Variants in COL19A1 observed in about 807,000 individuals in gnomAD.
COL19A1 encodes the protein collagen alpha-1(XIX) chain.
COL19A1 carries 159 observed loss-of-function variants against 190.2 expected under a neutral mutation model. That is an observed-to-expected ratio of 0.84 (90% CI 0.73 to 0.95). The LOEUF (loss-of-function observed/expected upper bound fraction) is 0.95. COL19A1 is among the 40% of genes least tolerant of loss of function. The pLI is 0.00. For missense variants in COL19A1, 1,418 were observed against 1,431.9 expected, an observed-to-expected ratio of 0.99 and a Z score of 0.16; for synonymous variants, 509 against 458.9, an observed-to-expected ratio of 1.11 and a Z score of -1.39.
At chr6:70,129,765 A>G (rs560108043) in intron 17 of COL19A1, among the ~76,000 whole-genome samples, 3 of 152,266 alleles carry the variant, frequency 2.0e-5, no homozygotes, top group Non-Finnish European at 4.4e-5. Flanking sequence ...AGGCAAGGTC[A>G]CTTGCCCAAG....
At chr6:70,102,067 T>C in intron 15 of COL19A1, 102 bp from the exon 16 acceptor site, 1 of 993,888 alleles carries the variant, frequency 1.0e-6, no homozygotes, top group Non-Finnish European at 1.6e-6. Flanking sequence ...TTCTTAACTT[T>C]CTGTTCATTT....
At chr6:69,961,582 G>T (rs1345054200) in intron 10 of COL19A1, among the ~76,000 whole-genome samples, 2 of 151,894 alleles carry the variant, frequency 1.3e-5, no homozygotes. Flanking sequence ...TAGGAAAAAT[G>T]GTAGAAAAAA....
At chr6:70,118,723 AT>A (rs1276617437) in intron 16 of COL19A1, among the ~76,000 whole-genome samples, 2 of 152,206 alleles carry the variant, frequency 1.3e-5, no homozygotes, top group Admixed American at 1.3e-4. Flanking sequence ...TGTAGAAGTA[AT>A]TTTTATGGGT....
rs1306687889 is a variant in COL19A1 at position 70,210,067 on chromosome 6, GAGA to G, written c.*2798_*2800del. ...GATGTTAATGATGTTCAAAGCAGGG[GAGA>G]AGAATTATTCAATTTCATGAATAAC... is the stretch of plus-strand genomic sequence containing the variant. On this transcript the variant is annotated 3_prime_UTR_variant, in exon 51 of 51. Transcript: ENST00000620364. The G allele has an allele frequency of 6.6e-6, 1 of 152,122 alleles. No homozygotes were observed. Among genetic ancestry groups the G allele is most frequent in the Non-Finnish European group, 1.5e-5 (1 of 67,998 alleles). The allele number at this position is 152,122 out of a possible 1,614,324, so 9.4% of individuals were successfully genotyped here. A position where few individuals can be genotyped will look rare whatever the true frequency, so the allele number is the denominator to read the frequency against.
intron 16 of COL19A1, among the ~76,000 whole-genome samples, chr6:70,110,102 A>G (rs752352250): frequency 4.6e-5 from 7 of 152,212 alleles, no homozygotes; most frequent in Non-Finnish European, 8.8e-5. Context: ...TAGTGTCCCA[A>G]AACACATTTT....
At chr6:70,083,950 G>A (rs963760442) in intron 15 of COL19A1, among the ~76,000 whole-genome samples, 6 of 152,116 alleles carry the variant, frequency 3.9e-5, no homozygotes, top group Non-Finnish European at 7.4e-5. Flanking sequence ...TAAGAGGAAA[G>A]AGCAGTTTCC....
intron 9 of COL19A1, among the ~76,000 whole-genome samples, chr6:69,955,246 G>C (rs1240661468): frequency 6.6e-6 from 1 of 152,058 alleles, no homozygotes; most frequent in African/African-American, 2.4e-5. Flanking sequence ...ATTGACTAAG[G>C]CTTAATTCTC....
intron 14 of COL19A1, among the ~76,000 whole-genome samples, chr6:70,053,478 G>C (rs749955746): frequency 3.3e-5 from 5 of 152,124 alleles, no homozygotes; most frequent in Admixed American, 6.5e-5. Flanking sequence ...AACAACCTGA[G>C]CATGTATGTA....
chr6:69,979,947 T>C (rs573272671), intron 11 of COL19A1, among the ~76,000 whole-genome samples: 20 of 152,062 alleles, frequency 1.3e-4, no homozygotes, highest in Non-Finnish European at 2.4e-4. Context: ...AGATACACCA[T>C]TTTCTTTAAA....
chr6:69,983,253 T>C (rs1319221597), intron 11 of COL19A1, among the ~76,000 whole-genome samples: 1 of 152,130 alleles, frequency 6.6e-6, no homozygotes, highest in Non-Finnish European at 1.5e-5. Flanking sequence ...GATTTATGAC[T>C]AGGTATTTGA....
At chr6:70,025,543 C>T (rs1276514126) in intron 12 of COL19A1, among the ~76,000 whole-genome samples, 1 of 152,190 alleles carries the variant, frequency 6.6e-6, no homozygotes, top group Non-Finnish European at 1.5e-5. Context: ...GATGCTTGTC[C>T]TTCCTCCTCA....
At chr6:69,886,092 T>C (rs1768912066) in intron 2 of COL19A1, among the ~76,000 whole-genome samples, 1 of 152,214 alleles carries the variant, frequency 6.6e-6, no homozygotes, top group Non-Finnish European at 1.5e-5. Context: ...TATCTCATGG[T>C]TAATATACAA....
rs372050119 is a variant in COL19A1 at position 70,072,807 on chromosome 6, A to G, written c.1224+4331A>G. On this transcript the variant is annotated intron_variant, in intron 15 of 50. Transcript: ENST00000620364. Reference sequence around the variant, plus strand: ...TGCACCAGCCCACACTTGATGGCAAAGGGGCTGGGTCACATTTCCTCCATG... The same window carrying G: ...TGCACCAGCCCACACTTGATGGCAAGGGGGCTGGGTCACATTTCCTCCATG... Among the ~76,000 whole-genome samples the G allele has an allele frequency of 4.5e-4, 69 of 152,088 alleles. 1 individual carries two copies. The highest frequency in any genetic ancestry group is 3.4e-3 in the Middle Eastern group (1 of 294).
At chr6:69,871,818 T>C (rs1202458204) in intron 1 of COL19A1, among the ~76,000 whole-genome samples, 2 of 148,866 alleles carry the variant, frequency 1.3e-5, no homozygotes, top group East Asian at 3.9e-4. Context: ...CATTTTTTTT[T>C]TTTTTTTTTT....
chr6:70,035,024 A>G (rs903763964), intron 13 of COL19A1, among the ~76,000 whole-genome samples: 5 of 152,212 alleles, frequency 3.3e-5, no homozygotes, highest in Admixed American at 2.6e-4. Context: ...CCAAAAAACA[A>G]TGAATACACA....
chr6:70,018,566 T>C (rs1280064535), intron 11 of COL19A1, among the ~76,000 whole-genome samples: 2 of 151,962 alleles, frequency 1.3e-5, no homozygotes, highest in Admixed American at 6.6e-5. Flanking sequence ...AGTGAAGGCA[T>C]TGGGGGCTGA....
chr6:70,088,177 C>T (rs1782692367), intron 15 of COL19A1, among the ~76,000 whole-genome samples: 1 of 152,104 alleles, frequency 6.6e-6, no homozygotes, highest in Non-Finnish European at 1.5e-5. Flanking sequence ...AGGAAAAGAT[C>T]ATAGAAAGCC....
intron 18 of COL19A1, among the ~76,000 whole-genome samples, chr6:70,136,514 G>GA (rs1355047973): frequency 2.0e-5 from 3 of 151,988 alleles, no homozygotes; most frequent in African/African-American, 7.2e-5. Flanking sequence ...ATGCTGAGTG[G>GA]AAAAAACAAG....
At chr6:70,194,822 C>T (rs1767089253) in intron 48 of COL19A1, among the ~76,000 whole-genome samples, 1 of 152,028 alleles carries the variant, frequency 6.6e-6, no homozygotes, top group Non-Finnish European at 1.5e-5. Flanking sequence ...AACATGGGAC[C>T]AATAAGCCCA....
Sources: allele counts gnomAD v4.1 joint callset (sites outside exome capture counted in the v4.1 genomes callset), GRCh38; gene constraint gnomAD v4.1.1; transcripts MANE v1.5; gene names NCBI Gene and HGNC (gene_info 2026-07-23, HGNC 2026-07-21).